The following RAB27B variants were observed in gnomAD, a reference collection of about 807,000 sequenced individuals.
The protein encoded by RAB27B is ras-related protein Rab-27B.
RAB27B carries 15 observed loss-of-function variants against 24.6 expected under a neutral mutation model. The ratio of observed to expected loss-of-function variants is 0.61; its 90% confidence interval spans 0.41 to 0.94. The LOEUF is 0.94. RAB27B is among the 40% of genes least tolerant of loss of function. The pLI is 0.00. For missense variants in RAB27B, 261 were observed against 266.8 expected, an observed-to-expected ratio of 0.98 and a Z score of 0.15; for synonymous variants, 105 against 92.5, an observed-to-expected ratio of 1.14 and a Z score of -0.78.
At chr18:54,739,706 T>C (rs1312515486) in intron 2 of RAB27B, among the ~76,000 whole-genome samples, 1 of 152,168 alleles carries the variant, frequency 6.6e-6, no homozygotes, top group African/African-American at 2.4e-5. Flanking sequence ...AGCTGCCAAA[T>C]TTTATTCCAA....
At chr18:54,842,863 C>T (rs933224211) in intron 1 of RAB27B, among the ~76,000 whole-genome samples, 5 of 152,238 alleles carry the variant, frequency 3.3e-5, no homozygotes, top group South Asian at 2.1e-4. Flanking sequence ...GGCGGGATCT[C>T]GGCTCACTGC....
At chr18:54,805,569 T>C (rs1223610012) in intron 2 of RAB27B, among the ~76,000 whole-genome samples, 1 of 152,202 alleles carries the variant, frequency 6.6e-6, no homozygotes, top group East Asian at 1.9e-4. Context: ...TTGTCCTTTG[T>C]GATTGAAGAC....
chr18:54,734,770 C>G (rs1487608913), intron 2 of RAB27B, among the ~76,000 whole-genome samples: 1 of 152,060 alleles, frequency 6.6e-6, no homozygotes, highest in Non-Finnish European at 1.5e-5. Flanking sequence ...ATGAAGCCAC[C>G]AAACAAACCT....
At chr18:54,824,463 T>C (rs1381454505), upstream of RAB27B, among the ~76,000 whole-genome samples, 2 of 152,206 alleles carry the variant, frequency 1.3e-5, no homozygotes, top group East Asian at 1.9e-4. Context: ...GCAGCTGAGG[T>C]AGCCATGTCA....
intron 1 of RAB27B, among the ~76,000 whole-genome samples, chr18:54,869,713 A>G (rs1912387218): frequency 1.3e-5 from 2 of 152,262 alleles, no homozygotes; most frequent in South Asian, 2.1e-4. Flanking sequence ...TCTTGAAGAA[A>G]TAACACTGGT....
intron 1 of RAB27B, among the ~76,000 whole-genome samples, chr18:54,836,762 C>A (rs1910909679): frequency 6.6e-6 from 1 of 151,846 alleles, no homozygotes; most frequent in Non-Finnish European, 1.5e-5. Context: ...GTGTTTTCCA[C>A]AGTAAACATG....
At chr18:54,844,428 A>C (rs1259723051) in intron 1 of RAB27B, among the ~76,000 whole-genome samples, 1 of 36,646 alleles carries the variant, frequency 2.7e-5, no homozygotes, top group African/African-American at 1.2e-4. Flanking sequence ...TTTTTTTTTG[A>C]TACAGTCTTG....
intron 2 of RAB27B, among the ~76,000 whole-genome samples, chr18:54,815,761 T>A (rs1568077759): frequency 6.6e-6 from 1 of 152,156 alleles, no homozygotes; most frequent in African/African-American, 2.4e-5. Flanking sequence ...CTTAAAGTTA[T>A]AGCTCATTAT....
chr18:54,862,892 A>G (rs906813908), intron 1 of RAB27B, among the ~76,000 whole-genome samples: 3 of 152,232 alleles, frequency 2.0e-5, no homozygotes, highest in African/African-American at 4.8e-5. Context: ...ACATTTCTAT[A>G]AATCATAAAT....
chr18:54,874,832 T>C (rs2145266096), intron 1 of RAB27B, among the ~76,000 whole-genome samples: 1 of 152,310 alleles, frequency 6.6e-6, no homozygotes, highest in South Asian at 2.1e-4. Flanking sequence ...TGACAAACAT[T>C]ATCACCCTCC....
At chr18:54,778,367 G>C (rs1455450779) in intron 2 of RAB27B, among the ~76,000 whole-genome samples, 1 of 152,164 alleles carries the variant, frequency 6.6e-6, no homozygotes, top group African/African-American at 2.4e-5. Flanking sequence ...ATGAATGAAG[G>C]CAACTGATCT....
intron 2 of RAB27B, among the ~76,000 whole-genome samples, chr18:54,758,995 T>C (rs1254354920): frequency 3.3e-5 from 5 of 152,212 alleles, no homozygotes; most frequent in Non-Finnish European, 5.9e-5. Flanking sequence ...TCTATTATTA[T>C]ATTCTTACAA....
At chr18:54,861,494 C>T (rs370614270) in intron 1 of RAB27B, among the ~76,000 whole-genome samples, 84 of 152,154 alleles carry the variant, frequency 5.5e-4, no homozygotes, top group African/African-American at 1.8e-3. Flanking sequence ...TTGAATCAGG[C>T]GCCTATGGTG....
intron 2 of RAB27B, among the ~76,000 whole-genome samples, chr18:54,779,290 G>A (rs1417546328): frequency 6.6e-6 from 1 of 152,116 alleles, no homozygotes; most frequent in East Asian, 1.9e-4. Context: ...GCTTATTGAT[G>A]GTGCCATTCC....
chr18:54,815,244 A>G (rs1228138572), intron 2 of RAB27B, among the ~76,000 whole-genome samples: 1 of 152,210 alleles, frequency 6.6e-6, no homozygotes, highest in Non-Finnish European at 1.5e-5. Context: ...TCCATGAAGT[A>G]TTATTGCAGG....
chr18:54,857,310 G>A (rs1911824588), intron 1 of RAB27B, among the ~76,000 whole-genome samples: 3 of 151,954 alleles, frequency 2.0e-5, no homozygotes, highest in South Asian at 4.2e-4. Flanking sequence ...CTGCCCATCC[G>A]GGAAATAATT....
chr18:54,782,779 A>G (rs1189034739), intron 2 of RAB27B, among the ~76,000 whole-genome samples: 1 of 152,326 alleles, frequency 6.6e-6, no homozygotes, highest in East Asian at 1.9e-4. Flanking sequence ...TCAGTAAACA[A>G]TAGCTGAGGC....
At position 54,822,726 on chromosome 18, in the gene RAB27B, A is replaced by T. The variant is rs189319925; in HGVS notation, c.-19-54841A>T. ...CTTTAACTAGTTTTTAAAATTGATTAAACAATGTTGTAATTATTTCTAAAA... is the reference window on the plus strand; with the variant it reads ...CTTTAACTAGTTTTTAAAATTGATTTAACAATGTTGTAATTATTTCTAAAA... On this transcript the variant is annotated intron_variant, in intron 2 of 4. Transcript: ENST00000586570. Among the ~76,000 whole-genome samples, 94 of 152,322 alleles carry T rather than the reference A, an allele frequency of 6.2e-4. 1 individual carries two copies. The highest frequency in any genetic ancestry group is 2.2e-3 in the African/African-American group (92 of 41,574).
intron 2 of RAB27B, among the ~76,000 whole-genome samples, chr18:54,754,695 G>T (rs1297235950): frequency 2.0e-5 from 3 of 152,156 alleles, no homozygotes; most frequent in Admixed American, 2.0e-4. Context: ...TCATTTTGTT[G>T]ATTTAAAGAA....
Sources: allele counts gnomAD v4.1 joint callset (sites outside exome capture counted in the v4.1 genomes callset), GRCh38; gene constraint gnomAD v4.1.1; transcripts MANE v1.5; gene names NCBI Gene and HGNC (gene_info 2026-07-23, HGNC 2026-07-21).